Variants in PTPRR observed in about 807,000 individuals in gnomAD.
PTPRR encodes protein tyrosine phosphatase receptor type R.
Under a neutral mutation model 77.2 loss-of-function variants are expected in PTPRR, and 38 were observed. That is an observed-to-expected ratio of 0.49 (90% CI 0.38 to 0.65). PTPRR has a LOEUF of 0.65. Among genes scored for constraint, PTPRR ranks in the 30% least tolerant of loss-of-function variants. The pLI is 0.00. For synonymous variants in PTPRR, 299 were observed against 283.1 expected, an observed-to-expected ratio of 1.06 and a Z score of -0.57; for missense variants, 744 against 799.2, an observed-to-expected ratio of 0.93 and a Z score of 0.83.
At chr12:70,895,242 T>C (rs1196639497) in intron 1 of PTPRR, among the ~76,000 whole-genome samples, 1 of 151,552 alleles carries the variant, frequency 6.6e-6, no homozygotes, top group Non-Finnish European at 1.5e-5. Context: ...GCTTAGAAGA[T>C]TGGGGAAAGT....
At chr12:70,884,208 A>C (rs1390491660) in intron 2 of PTPRR, among the ~76,000 whole-genome samples, 1 of 152,202 alleles carries the variant, frequency 6.6e-6, no homozygotes, top group Non-Finnish European at 1.5e-5. Context: ...CACAGTGAGA[A>C]ACCTAAGCAT....
At chr12:70,908,445 TC>T (rs1360225710) in intron 1 of PTPRR, among the ~76,000 whole-genome samples, 1 of 151,954 alleles carries the variant, frequency 6.6e-6, no homozygotes, top group Non-Finnish European at 1.5e-5. Context: ...AGCAAACACA[TC>T]CCTCTTCACA....
Position 70,701,277 on chromosome 12 carries a change from T to G in PTPRR, c.1054A>C (p.Asn352His), listed in dbSNP as rs754602347. ...SLTLDMSSLG[N>H]IEPFVSIPTP... ...GGTATAGACACAAAGGGTTCAATGT[T>G]CCCCAAGCTACTCATGTCCAATGTA... The change falls in exon 7 of 14, where the codon AAC (asparagine) becomes CAC (histidine). Residue 352 changes from asparagine to histidine, a missense_variant. Asn to His is a moderately conservative substitution (Grantham distance 68). This residue lies in a region of PTPRR where 570 missense variants were observed against 573.2 expected (regional missense o/e 0.99). Coordinates refer to ENST00000283228, the MANE Select transcript of PTPRR (RefSeq NM_002849.4). The G allele has an allele frequency of 3.7e-6, 6 of 1,613,882 alleles. No homozygotes were observed. In the South Asian group the frequency reaches 4.4e-5, roughly 12 times the overall value.
chr12:70,875,292 T>C (rs1893031842), intron 2 of PTPRR, among the ~76,000 whole-genome samples: 1 of 152,180 alleles, frequency 6.6e-6, no homozygotes, highest in South Asian at 2.1e-4. Flanking sequence ...TATGGATATG[T>C]GTAGGTATAA....
intron 2 of PTPRR, among the ~76,000 whole-genome samples, chr12:70,822,479 C>T (rs944080318): frequency 3.9e-5 from 6 of 152,098 alleles, no homozygotes; most frequent in African/African-American, 1.4e-4. Context: ...ATGTGTCATG[C>T]CCTGTAGAGG....
chr12:70,726,186 CTT>C (rs1175036609), intron 6 of PTPRR, among the ~76,000 whole-genome samples: 1 of 151,338 alleles, frequency 6.6e-6, no homozygotes, highest in Admixed American at 6.6e-5. Flanking sequence ...TTTTAGTCAA[CTT>C]AATTCAAGAA....
intron 6 of PTPRR, among the ~76,000 whole-genome samples, chr12:70,717,588 G>GAA (rs1889080265): frequency 1.3e-5 from 2 of 152,054 alleles, no homozygotes; most frequent in African/African-American, 4.8e-5. Context: ...GTAATTTAAT[G>GAA]AAAAAATGCT....
At chr12:70,913,640 T>G (rs1893733239) in intron 1 of PTPRR, among the ~76,000 whole-genome samples, 1 of 152,110 alleles carries the variant, frequency 6.6e-6, no homozygotes, top group Admixed American at 6.5e-5. Context: ...ACACTACAAA[T>G]AGCATCATGC....
chr12:70,771,279 A>C (rs1398335645), intron 2 of PTPRR, among the ~76,000 whole-genome samples: 1 of 152,174 alleles, frequency 6.6e-6, no homozygotes, highest in African/African-American at 2.4e-5. Flanking sequence ...CATTATCCCA[A>C]GCAAAGTAAT....
rs781527391 is a variant in PTPRR, at chr12:70,764,696, A to T, written c.440T>A (p.Leu147Ter). 2 of 1,613,980 alleles carry T rather than the reference A, an allele frequency of 1.2e-6. No homozygotes were observed. The highest frequency in any genetic ancestry group is 1.7e-6 in the Non-Finnish European group (2 of 1,179,820). Reference protein sequence around the residue: ...RQGVAAALGLLPQQVHINRLI... With the variant: ...RQGVAAALGL Reference sequence around the variant, plus strand: ...GCGATTGATGTGCACTTGCTGGGGTAAGAGTCCTAAAGCTGCAGCCACTCC... The same window carrying T: ...GCGATTGATGTGCACTTGCTGGGGTTAGAGTCCTAAAGCTGCAGCCACTCC... The change falls in exon 3 of 14, where the codon TTA (leucine) becomes TAA (stop). Residue 147 changes from leucine to a stop codon, truncating the protein, a stop_gained. Coordinates refer to ENST00000283228, the MANE Select transcript of PTPRR (RefSeq NM_002849.4). LOFTEE classifies it high-confidence loss of function.
At chr12:70,810,892 G>T (rs944424773) in intron 2 of PTPRR, among the ~76,000 whole-genome samples, 2 of 152,098 alleles carry the variant, frequency 1.3e-5, no homozygotes, top group Non-Finnish European at 2.9e-5. Flanking sequence ...ATGCGCTATG[G>T]CAATTCTATG....
intron 2 of PTPRR, among the ~76,000 whole-genome samples, chr12:70,809,900 T>G (rs974279000): frequency 6.6e-6 from 1 of 152,234 alleles, no homozygotes; most frequent in Non-Finnish European, 1.5e-5. Flanking sequence ...AACTTTTCCC[T>G]TGTTGATATA....
At chr12:70,858,923 A>G (rs942827447) in intron 2 of PTPRR, among the ~76,000 whole-genome samples, 6 of 149,250 alleles carry the variant, frequency 4.0e-5, no homozygotes, top group Non-Finnish European at 7.4e-5. Flanking sequence ...ATGTATCTAA[A>G]CTTCATCTGA....
chr12:70,697,879 A>G (rs1888284261), intron 8 of PTPRR, among the ~76,000 whole-genome samples: 2 of 152,178 alleles, frequency 1.3e-5, no homozygotes, highest in African/African-American at 4.8e-5. Context: ...ATATGTGTCT[A>G]TTGGAATTGT....
rs1888119181 is a variant in PTPRR at position 70,693,378 on chromosome 12, C to A, written c.1279+4887G>T. Among the ~76,000 whole-genome samples the A allele has an allele frequency of 2.0e-5, 3 of 152,066 alleles. No homozygotes were observed. The South Asian group carries it at 6.2e-4, about 32-fold the overall frequency. ...CAGATGTGATCACAGCTCACTGCGA[C>A]CTCAACCTCCCGGGCTCAAGTGATC... is the stretch of plus-strand genomic sequence containing the variant. On this transcript the variant is annotated intron_variant, in intron 8 of 13. Coordinates refer to ENST00000283228, the MANE Select transcript of PTPRR (RefSeq NM_002849.4).
At chr12:70,865,726 T>A (rs1049482698) in intron 2 of PTPRR, among the ~76,000 whole-genome samples, 1 of 152,232 alleles carries the variant, frequency 6.6e-6, no homozygotes, top group African/African-American at 2.4e-5. Context: ...TGTATGTTAA[T>A]GCTTTGTTTT....
At chr12:70,867,954 C>T (rs367774082) in intron 2 of PTPRR, among the ~76,000 whole-genome samples, 172 of 152,100 alleles carry the variant, frequency 1.1e-3, no homozygotes, top group African/African-American at 3.5e-3. Flanking sequence ...CCCTATTTAA[C>T]AAATGGTGCT....
At chr12:70,715,686 A>C (rs188802699) in intron 6 of PTPRR, among the ~76,000 whole-genome samples, 6 of 152,324 alleles carry the variant, frequency 3.9e-5, no homozygotes, top group African/African-American at 1.4e-4. Flanking sequence ...CTTTTGAAAG[A>C]AGAGAAATAT....
chr12:70,678,563 ATCTTT>A (rs2136715645), intron 10 of PTPRR, among the ~76,000 whole-genome samples: 1 of 151,940 alleles, frequency 6.6e-6, no homozygotes, highest in Admixed American at 6.6e-5. Flanking sequence ...TTCAAACATG[ATCTTT>A]TCTTTTTATT....
Sources: gnomAD v4.1 joint callset for allele counts (sites outside exome capture counted in the v4.1 genomes callset) on GRCh38, gnomAD v4.1.1 for gene constraint, gnomAD v4.1.1 regional missense constraint, MANE v1.5 for transcripts, NCBI Gene and HGNC (gene_info 2026-07-23, HGNC 2026-07-21) for gene names.